The following PRKAG2 variants were observed in gnomAD, a reference collection of about 807,000 sequenced individuals.
PRKAG2 encodes 5'-AMP-activated protein kinase subunit gamma-2.
A neutral mutation model predicts 69.6 loss-of-function variants in PRKAG2; 26 were observed. That is an observed-to-expected ratio of 0.37 (90% CI 0.27 to 0.52). The LOEUF is 0.52. Among genes scored for constraint, PRKAG2 ranks in the 20% least tolerant of loss-of-function variants. The probability of loss-of-function intolerance (pLI) is 0.90; values close to 1 mark genes in which losing one functional copy is unlikely to be tolerated. For missense variants in PRKAG2, 557 were observed against 740.0 expected, an observed-to-expected ratio of 0.75 and a Z score of 2.87; for synonymous variants, 293 against 285.0, an observed-to-expected ratio of 1.03 and a Z score of -0.28.
chr7:151,836,322 C>T lies in PRKAG2; in HGVS notation c.114+40185G>A, dbSNP rs552298795. On this transcript the variant is annotated intron_variant, in intron 1 of 15. Coordinates refer to ENST00000287878, the MANE Select transcript of PRKAG2 (RefSeq NM_016203.4). The surrounding 1 kb of genome is among the most constrained non-coding windows in gnomAD (Gnocchi z 4.1). ...ACTGTGGTCTGACTGCAGGCTGACA[C>T]ACCTGGGTCCACAGGCTGGATTCTC... Among the ~76,000 whole-genome samples, 14 of 152,322 alleles carry T rather than the reference C, an allele frequency of 9.2e-5. No homozygotes were observed. Among genetic ancestry groups the T allele is most frequent in the African/African-American group, 3.4e-4 (14 of 41,574 alleles).
chr7:151,570,717 C>T (rs1807338621), intron 9 of PRKAG2, among the ~76,000 whole-genome samples: 1 of 152,140 alleles, frequency 6.6e-6, no homozygotes. Flanking sequence ...CTTTCCAGCA[C>T]ATAAAAACTG....
intron 1 of PRKAG2, among the ~76,000 whole-genome samples, chr7:151,873,781 T>C (rs2080274978): frequency 6.6e-6 from 1 of 152,208 alleles, no homozygotes; most frequent in Non-Finnish European, 1.5e-5. Context: ...TTTCTGGTTC[T>C]GGATTTTGTC....
chr7:151,782,809 G>A (rs1400751646), intron 2 of PRKAG2, among the ~76,000 whole-genome samples: 2 of 152,216 alleles, frequency 1.3e-5, no homozygotes, highest in Non-Finnish European at 2.9e-5. Context: ...CACACGGTGC[G>A]TGGTAAACAG....
rs73728426 is a variant in PRKAG2 at position 151,856,396 on chromosome 7, C to A, written c.114+20111G>T. On this transcript the variant is annotated intron_variant, in intron 1 of 15. Coordinates refer to ENST00000287878, the MANE Select transcript of PRKAG2 (RefSeq NM_016203.4). ...GGAGTGGCCCCGAGGCGGGCCCCTG[C>A]GGAGGCTTGCAGCTCCCTGGAAGGT... Among the ~76,000 whole-genome samples, 620 of 152,328 alleles carry A rather than the reference C, an allele frequency of 4.1e-3. 4 individuals carry two copies. Among genetic ancestry groups the A allele is most frequent in the African/African-American group, 0.014 (593 of 41,556 alleles).
intron 6 of PRKAG2, among the ~76,000 whole-genome samples, chr7:151,590,907 C>A (rs977927829): frequency 1.3e-5 from 2 of 152,228 alleles, no homozygotes; most frequent in Admixed American, 6.5e-5. Flanking sequence ...TGGCTCTAAC[C>A]GCTCACTTGG....
At chr7:151,856,479 G>T (rs1296594275) in intron 1 of PRKAG2, among the ~76,000 whole-genome samples, 1 of 152,242 alleles carries the variant, frequency 6.6e-6, no homozygotes, top group African/African-American at 2.4e-5. Flanking sequence ...AAGACGTCCT[G>T]CAGGGAAGGG....
chr7:151,689,179 G>A (rs1835240433), intron 3 of PRKAG2, among the ~76,000 whole-genome samples: 1 of 152,054 alleles, frequency 6.6e-6, no homozygotes, highest in East Asian at 1.9e-4. Context: ...TCAGCTCTTT[G>A]AGTCTGCTCT....
rs1178736504 is a variant in PRKAG2 at position 151,719,049 on chromosome 7, C to T, written c.467-43412G>A. ...CCCACCCACAAACATTCATTAAGCC[C>T]CTGATAAGTACAAGGCCCCGAACTC... is the stretch of plus-strand genomic sequence containing the variant. On this transcript the variant is annotated intron_variant, in intron 3 of 15. Coordinates refer to ENST00000287878, the MANE Select transcript of PRKAG2 (RefSeq NM_016203.4). This position sits in a 1 kb window ranked among gnomAD's most constrained non-coding sequence, Gnocchi z 5.2. Among the ~76,000 whole-genome samples, 1 of 152,150 alleles carries T rather than the reference C, an allele frequency of 6.6e-6. No individual in the cohort carries two copies. Among genetic ancestry groups the T allele is most frequent in the Non-Finnish European group, 1.5e-5 (1 of 68,030 alleles).
chr7:151,875,316 CA>C (rs2080360643), intron 1 of PRKAG2, among the ~76,000 whole-genome samples: 1 of 152,154 alleles, frequency 6.6e-6, no homozygotes, highest in African/African-American at 2.4e-5. Context: ...AAGCGTTAGG[CA>C]CGTGTGGGCC....
chr7:151,640,024 G>A (rs1169539408), intron 4 of PRKAG2, among the ~76,000 whole-genome samples: 4 of 152,148 alleles, frequency 2.6e-5, no homozygotes, highest in East Asian at 1.9e-4. Flanking sequence ...TAAAAATGTA[G>A]TCTTGGCCAG....
chr7:151,760,659 C>T (rs2075360763), intron 3 of PRKAG2, among the ~76,000 whole-genome samples: 1 of 152,200 alleles, frequency 6.6e-6, no homozygotes, highest in Admixed American at 6.5e-5. Flanking sequence ...GTGTGGTCTC[C>T]TTACCAGAGA....
At chr7:151,673,606 T>A (rs748158492) in intron 4 of PRKAG2, among the ~76,000 whole-genome samples, 6 of 152,198 alleles carry the variant, frequency 3.9e-5, no homozygotes, top group Non-Finnish European at 5.9e-5. Flanking sequence ...GCTACACCTG[T>A]GTTTAATAAA....
intron 4 of PRKAG2, among the ~76,000 whole-genome samples, chr7:151,658,670 A>G (rs1211416004): frequency 6.6e-6 from 1 of 152,190 alleles, no homozygotes; most frequent in Non-Finnish European, 1.5e-5. Context: ...GAAACAGTAC[A>G]AAAATAGGCT....
intron 3 of PRKAG2, among the ~76,000 whole-genome samples, chr7:151,764,103 C>T (rs565031577): frequency 2.6e-5 from 4 of 152,096 alleles, no homozygotes; most frequent in South Asian, 4.1e-4. Context: ...CGCAGGTGGA[C>T]GGGGTGTGAA....
At chr7:151,559,762 T>C in intron 15 of PRKAG2, 2 of 985,404 alleles carry the variant, frequency 2.0e-6, no homozygotes, top group South Asian at 9.4e-5. Flanking sequence ...GGCATGCTGT[T>C]TGCTCCCACA....
intron 1 of PRKAG2, among the ~76,000 whole-genome samples, chr7:151,856,353 AG>A (rs1234719774): frequency 6.6e-6 from 1 of 152,242 alleles, no homozygotes; most frequent in Non-Finnish European, 1.5e-5. Context: ...ACGCAAGCAC[AG>A]GTGCCACGAG....
chr7:151,749,153 A>T (rs1160018745), intron 3 of PRKAG2, among the ~76,000 whole-genome samples: 2 of 150,552 alleles, frequency 1.3e-5, no homozygotes, highest in Non-Finnish European at 2.9e-5. Flanking sequence ...TTAACCATCC[A>T]TCCAAAGATC....
intron 3 of PRKAG2, among the ~76,000 whole-genome samples, chr7:151,709,443 TTGG>T (rs1043906052): frequency 7.2e-5 from 11 of 152,294 alleles, no homozygotes; most frequent in East Asian, 3.9e-4. Flanking sequence ...TGCATGACAC[TTGG>T]TGATGTTGAG....
At chr7:151,827,587 A>G (rs2078929944) in intron 1 of PRKAG2, among the ~76,000 whole-genome samples, 1 of 152,034 alleles carries the variant, frequency 6.6e-6, no homozygotes, top group African/African-American at 2.4e-5. Flanking sequence ...ACATGCAGCC[A>G]AAATAGGTAG....
Sources: allele counts gnomAD v4.1 joint callset (sites outside exome capture counted in the v4.1 genomes callset), GRCh38; gene constraint gnomAD v4.1.1; non-coding constraint Gnocchi (gnomAD v3.1); transcripts MANE v1.5; gene names NCBI Gene and HGNC (gene_info 2026-07-23, HGNC 2026-07-21).